Variants in CD44 observed in about 807,000 individuals in gnomAD.
The protein encoded by CD44 is CD44 molecule (IN blood group), also known as CD44 antigen.
Under a neutral mutation model 88.8 loss-of-function variants are expected in CD44, and 49 were observed. That is an observed-to-expected ratio of 0.55 (90% CI 0.44 to 0.70). The LOEUF is 0.70. Among genes scored for constraint, CD44 ranks in the 30% least tolerant of loss-of-function variants. CD44 has a pLI of 0.00. For missense variants in CD44, 883 were observed against 913.8 expected (o/e 0.97, Z 0.43); for synonymous variants, 325 against 312.3 (o/e 1.04, Z -0.43).
chr11:35,223,197 GA>G (rs952569677), intron 17 of CD44: 5 of 984,066 alleles, frequency 5.1e-6, no homozygotes, highest in African/African-American at 1.8e-5. Context: ...TGAATGGAAA[GA>G]TTTTTTTTAG....
At chr11:35,197,433 T>A (rs1248519702) in intron 6 of CD44, 1 of 152,256 alleles carries the variant, frequency 6.6e-6, no homozygotes, top group Non-Finnish European at 1.5e-5. Context: ...CTCCTTTTTT[T>A]ATTCAAAAAG....
intron 1 of CD44, among the ~76,000 whole-genome samples, chr11:35,144,250 C>T (rs1858622066): frequency 6.6e-6 from 1 of 152,182 alleles, no homozygotes; most frequent in African/African-American, 2.4e-5. Context: ...ATTGTGCTTC[C>T]CCGGCACCTT....
In CD44 at chr11:35,181,910, T is replaced by TATATGAATTATATATAATATATATGA. The variant is rs1169343459; in HGVS notation, c.367+1507_367+1508insGAATTATATATAATATATATGAATAT. ...TCTATATATAATATAATATATAATA[T>TATATGAATTATATATAATATATATGA]ATATTATATATTATATTATATATAA... On this transcript the variant is annotated intron_variant, in intron 3 of 17. Transcript: ENST00000428726. 1.2e-3 allele frequency among the ~76,000 whole-genome samples: 73 copies of TATATGAATTATATATAATATATATGA among 61,956 alleles called. 5 individuals carry two copies. The highest frequency in any genetic ancestry group is 6.7e-3 in the African/African-American group (72 of 10,718). The allele number at this position is 61,956 out of a possible 152,430, so 40.6% of individuals were successfully genotyped here. A position where few individuals can be genotyped will look rare whatever the true frequency, so the allele number is the denominator to read the frequency against.
In CD44 at chr11:35,230,636, AG is replaced by A. The variant is rs1950015216; in HGVS notation, c.*1306del. 3 of 152,340 alleles carry A rather than the reference AG, an allele frequency of 2.0e-5. No individual in the cohort carries two copies. Among genetic ancestry groups the A allele is most frequent in the Admixed American group, 1.3e-4 (2 of 15,296 alleles). The allele number at this position is 152,340 out of a possible 1,614,324, so 9.4% of individuals were successfully genotyped here. Reference sequence around the variant, plus strand: ...CCTGGGGAGTCCCTCAAAAGGTTAAAGGGATTCCCATCATTGGAATCTTATC... The same window carrying A: ...CCTGGGGAGTCCCTCAAAAGGTTAAAGGATTCCCATCATTGGAATCTTATC... On this transcript the variant is annotated 3_prime_UTR_variant, in exon 18 of 18. Transcript: ENST00000428726.
chr11:35,164,028 C>G (rs1377650466), intron 1 of CD44, among the ~76,000 whole-genome samples: 1 of 152,054 alleles, frequency 6.6e-6, no homozygotes, highest in Admixed American at 6.5e-5. Context: ...AAGTACCGAG[C>G]ACAGAGCCTG....
chr11:35,139,733 GC>G (rs1857530058), intron 1 of CD44: 3 of 518,260 alleles, frequency 5.8e-6, no homozygotes, highest in Non-Finnish European at 1.1e-5. Context: ...GGCTCGCCAA[GC>G]CCCACCGGGC....
At chr11:35,215,680 G>A (rs1396187024) in intron 15 of CD44, among the ~76,000 whole-genome samples, 3 of 151,836 alleles carry the variant, frequency 2.0e-5, no homozygotes, top group East Asian at 1.9e-4. Context: ...TCAGGAGTTC[G>A]AGACCAGCCT....
In CD44 at chr11:35,193,347, C is replaced by A. The variant is rs561809481; in HGVS notation, c.667+3282C>A. 5.2e-3 allele frequency among the ~76,000 whole-genome samples: 788 copies of A among 152,306 alleles called. 7 individuals carry two copies. The highest frequency in any genetic ancestry group is 0.018 in the African/African-American group (749 of 41,556). ...TCCTGCATCACAGGTGGCCCACAGG[C>A]TACGGGTTGGACAAGCTTGATTTAG... On this transcript the variant is annotated intron_variant, in intron 5 of 17. Coordinates refer to ENST00000428726, the MANE Select transcript of CD44 (RefSeq NM_000610.4).
Position 35,230,363 on chromosome 11 carries a change from T to G in CD44, c.*1030T>G, listed in dbSNP as rs760285943. On this transcript the variant is annotated 3_prime_UTR_variant, in exon 18 of 18. Coordinates refer to ENST00000428726, the MANE Select transcript of CD44 (RefSeq NM_000610.4). ...AGGCTTTGCAAAGTCACATTAAGTT[T>G]GCATGACCTGTTATCCCTGGGGCCC... The G allele has an allele frequency of 6.6e-6, 1 of 152,204 alleles. No homozygotes were observed. The highest frequency in any genetic ancestry group is 1.5e-5 in the Non-Finnish European group (1 of 68,052). 9.4% of individuals were successfully genotyped at this position (152,204 alleles called of 1,614,324 possible). A position where few individuals can be genotyped will look rare whatever the true frequency, so the allele number is the denominator to read the frequency against.
rs370440642 is a variant in CD44 at position 35,198,238 on chromosome 11, C to A, written c.914C>A (p.Ser305Tyr). The A allele has an allele frequency of 7.1e-5, 115 of 1,613,654 alleles. No homozygotes were observed. The highest frequency in any genetic ancestry group is 9.5e-5 in the Non-Finnish European group (112 of 1,179,736). ...ATTGATGATGATGAAGATTTTATCT[C>A]CAGCACCAGTAAGAATAATCAATTA... ...SGIDDDEDFI[S>Y]STISTTPRAF... The change falls in exon 7 of 18, where the codon TCC becomes TAC. Residue 305 changes from serine (S) to tyrosine (Y), a missense_variant. Transcript: ENST00000428726.
At chr11:35,163,755 A>T (rs920692051) in intron 1 of CD44, among the ~76,000 whole-genome samples, 15 of 152,144 alleles carry the variant, frequency 9.9e-5, no homozygotes, top group Admixed American at 7.2e-4. Context: ...GTATTAGCAA[A>T]TTCTAACCCA....
chr11:35,166,669 G>A (rs1175148809), intron 1 of CD44, among the ~76,000 whole-genome samples: 2 of 152,232 alleles, frequency 1.3e-5, no homozygotes, highest in African/African-American at 4.8e-5. Flanking sequence ...AAATCAGGGG[G>A]TCCAGCCAGG....
chr11:35,211,120 C>G, intron 13 of CD44, 126 bp from the exon 14 acceptor site: 1 of 704,492 alleles, frequency 1.4e-6, no homozygotes, highest in East Asian at 2.6e-5. Context: ...AAACTTCACT[C>G]TATTTCTCCC....
rs556950768 is a variant in CD44, at chr11:35,187,446, T to C, written c.436+546T>C. Among the ~76,000 whole-genome samples the C allele has an allele frequency of 1.4e-4, 21 of 152,352 alleles. No individual in the cohort carries two copies. In the South Asian group the frequency reaches 4.1e-3, roughly 30 times the overall value. ...ATTTGAAAACCACTTTCACATTTTT[T>C]TTGGCATCTCTATATGTACAATGCT... On this transcript the variant is annotated intron_variant, in intron 4 of 17. Coordinates refer to ENST00000428726, the MANE Select transcript of CD44 (RefSeq NM_000610.4).
Position 35,148,638 on chromosome 11 carries a change from T to C in CD44, c.67+9268T>C, listed in dbSNP as rs112401334. Among the ~76,000 whole-genome samples, 205 of 152,370 alleles carry C rather than the reference T, an allele frequency of 1.3e-3. 2 individuals carry two copies. Among genetic ancestry groups the C allele is most frequent in the African/African-American group, 4.6e-3 (191 of 41,584 alleles). ...TAAAGGATGCCATGTAATGGTTATC[T>C]CTTTTCTTTTGCCAGTGAGCATAAA... On this transcript the variant is annotated intron_variant, in intron 1 of 17. Transcript: ENST00000428726.
intron 1 of CD44, among the ~76,000 whole-genome samples, chr11:35,157,190 C>T (rs904340846): frequency 7.9e-5 from 12 of 152,196 alleles, no homozygotes; most frequent in Non-Finnish European, 1.5e-4. Flanking sequence ...TTTTTGAAGT[C>T]CCCATATCCA....
chr11:35,188,269 A>C (rs970522664), intron 4 of CD44, among the ~76,000 whole-genome samples: 2 of 152,208 alleles, frequency 1.3e-5, no homozygotes, highest in East Asian at 3.8e-4. Context: ...TGTGCCTTGC[A>C]ATAGGAAGGG....
chr11:35,177,748 A>G (rs1374089090), intron 2 of CD44, among the ~76,000 whole-genome samples: 1 of 152,258 alleles, frequency 6.6e-6, no homozygotes, highest in Non-Finnish European at 1.5e-5. Flanking sequence ...GGAAAAGGAA[A>G]GTCTTTTGCC....
rs79397916 is a variant in CD44, at chr11:35,219,053, C to G, written c.1874-263C>G. On this transcript the variant is annotated intron_variant, in intron 15 of 17. Coordinates refer to ENST00000428726, the MANE Select transcript of CD44 (RefSeq NM_000610.4). ...ATCCAGGGTTGTCCAGCTCTAGACA[C>G]CAAAGTCCTGAACACTGTGCAACAC... 3,849 of 435,978 alleles carry G rather than the reference C, an allele frequency of 8.8e-3. 30 individuals are homozygous for G. Among genetic ancestry groups the G allele is most frequent in the Non-Finnish European group, 0.012 (2,870 of 236,332 alleles). 27.0% of individuals were successfully genotyped at this position (435,978 alleles called of 1,614,324 possible). A position where few individuals can be genotyped will look rare whatever the true frequency, so the allele number is the denominator to read the frequency against.
Sources: gnomAD v4.1 joint callset for allele counts (sites outside exome capture counted in the v4.1 genomes callset) on GRCh38, gnomAD v4.1.1 for gene constraint, MANE v1.5 for transcripts, NCBI Gene and HGNC (gene_info 2026-07-23, HGNC 2026-07-21) for gene names.